STIL: variants seen among roughly 807,000 people sequenced by gnomAD.
STIL encodes STIL centriolar assembly protein.
STIL carries 55 observed loss-of-function variants against 110.1 expected under a neutral mutation model. The ratio of observed to expected loss-of-function variants is 0.50; its 90% CI spans 0.40 to 0.63. STIL has a LOEUF of 0.63. STIL is among the 20% of genes least tolerant of loss of function. STIL has a pLI of 0.00. For synonymous variants in STIL, 481 were observed against 530.0 expected (o/e 0.91, Z 1.27); for missense variants, 1,358 against 1,530.0 (o/e 0.89, Z 1.87).
chr1:47,284,687 C>T (rs569763992), intron 10 of STIL, among the ~76,000 whole-genome samples: 4 of 152,124 alleles, frequency 2.6e-5, no homozygotes, highest in South Asian at 2.1e-4. Flanking sequence ...GTCAGGAGTT[C>T]GAGGCCAGCC....
Position 47,287,654 on chromosome 1 carries a change from C to G in STIL, c.1030G>C (p.Glu344Gln), listed in dbSNP as rs1645344132. The change falls in exon 10 of 17, where the codon GAA (glutamate) becomes CAA (glutamine). Residue 344 changes from glutamate (E) to glutamine (Q), a missense_variant. Coordinates refer to ENST00000371877, the MANE Select transcript of STIL (RefSeq NM_001048166.1). The stretch of plus-strand genomic sequence containing the variant: ...CGGATTGGATTTTTGTCAGGAGGTT[C>G]AACATTCTGAAATGAAGTAGGTCAT... ...KETLHLFKNV[E>Q]PPDKNPIRCE... 4 of 1,612,176 alleles carry G rather than the reference C, an allele frequency of 2.5e-6. No homozygotes were observed. The highest frequency in any genetic ancestry group is 3.4e-6 in the Non-Finnish European group (4 of 1,178,566).
intron 12 of STIL, 105 bp from the exon 13 acceptor site, chr1:47,272,346 T>G (rs991154819): frequency 8.4e-7 from 1 of 1,189,108 alleles, no homozygotes; most frequent in African/African-American, 1.5e-5. Flanking sequence ...AGAAACTGAC[T>G]TTTAAGTCTA....
intron 10 of STIL, chr1:47,283,138 T>A (rs1645197710): frequency 6.6e-6 from 1 of 152,198 alleles, no homozygotes. Flanking sequence ...AAAGCCAGAA[T>A]GAAAGCTAAC....
chr1:47,287,653 T>A lies in STIL; in HGVS notation c.1031A>T (p.Glu344Val). ...ACGGATTGGATTTTTGTCAGGAGGT[T>A]CAACATTCTGAAATGAAGTAGGTCA... is the stretch of plus-strand genomic sequence containing the variant. ...KETLHLFKNV[E>V]PPDKNPIRCE... Residue 344 changes from glutamate (E) to valine (V), a missense_variant, in exon 10 of 17, where the codon GAA becomes GTA. Coordinates refer to ENST00000371877, the MANE Select transcript of STIL (RefSeq NM_001048166.1). 1 of 1,613,128 alleles carries A rather than the reference T, an allele frequency of 6.2e-7. No homozygotes were observed. Among genetic ancestry groups the A allele is most frequent in the Non-Finnish European group, 8.5e-7 (1 of 1,179,296 alleles).
chr1:47,260,242 A>T (rs558237725), intron 16 of STIL, 47 bp downstream of exon 16: 125 of 1,527,184 alleles, frequency 8.2e-5, no homozygotes, highest in African/African-American at 3.2e-4. Flanking sequence ...AAAAATTTTT[A>T]AAAAATAAAA....
At chr1:47,314,827 C>G (rs904315269), upstream of STIL, among the ~76,000 whole-genome samples, 1 of 151,454 alleles carries the variant, frequency 6.6e-6, no homozygotes, top group Non-Finnish European at 1.5e-5. Flanking sequence ...CGAGTTCAAG[C>G]GATTCTCCTG....
At chr1:47,309,177 A>G (rs1254405880) in intron 2 of STIL, among the ~76,000 whole-genome samples, 1 of 152,206 alleles carries the variant, frequency 6.6e-6, no homozygotes, top group Non-Finnish European at 1.5e-5. Flanking sequence ...TGCATGCCTT[A>G]TAAAAATATG....
intron 2 of STIL, among the ~76,000 whole-genome samples, chr1:47,306,361 G>T (rs2149245292): frequency 6.6e-6 from 1 of 150,782 alleles, no homozygotes; most frequent in East Asian, 2.0e-4. Flanking sequence ...TAAACTCCTG[G>T]GCTCAAGGGA....
At position 47,251,841 on chromosome 1, in the gene STIL, T is replaced by G; in HGVS notation, c.3162A>C (p.Leu1054Phe). 6.2e-7 allele frequency: 1 copy of G among 1,608,308 alleles called. No homozygotes were observed. Among genetic ancestry groups the G allele is most frequent in the Non-Finnish European group, 8.5e-7 (1 of 1,177,546 alleles). The change falls in exon 17 of 17, where the codon TTA (leucine) becomes TTC (phenylalanine). Residue 1054 changes from leucine (L) to phenylalanine (F), a missense_variant. Leu to Phe is a conservative substitution (Grantham distance 22). Coordinates refer to ENST00000371877, the MANE Select transcript of STIL (RefSeq NM_001048166.1). The part of the protein sequence containing the change: ...MSFANVGMSG[L>F]SPNGVDLSME... Reference sequence around the variant, plus strand: ...TGCTCAAATCCACACCATTGGGGCTTAAGCCGCTCATGCCAACATTAGCAA... The same window carrying G: ...TGCTCAAATCCACACCATTGGGGCTGAAGCCGCTCATGCCAACATTAGCAA...
intron 5 of STIL, among the ~76,000 whole-genome samples, chr1:47,300,354 T>G (rs1021445696): frequency 1.3e-5 from 2 of 152,182 alleles, no homozygotes; most frequent in African/African-American, 2.4e-5. Context: ...CAAGTAAGAT[T>G]TACTGTCCCA....
intron 3 of STIL, among the ~76,000 whole-genome samples, chr1:47,304,126 C>G (rs958731734): frequency 2.0e-5 from 3 of 151,414 alleles, no homozygotes; most frequent in African/African-American, 7.3e-5. Context: ...ATTCCCTAGG[C>G]AGTCTGCTCC....
chr1:47,275,562 C>T (rs559285174), intron 12 of STIL, among the ~76,000 whole-genome samples: 5 of 151,674 alleles, frequency 3.3e-5, no homozygotes, highest in Non-Finnish European at 5.9e-5. Flanking sequence ...GAGCTGAGAT[C>T]GCGCCACTGC....
At chr1:47,264,408 T>A (rs930719654) in intron 14 of STIL, among the ~76,000 whole-genome samples, 1 of 152,136 alleles carries the variant, frequency 6.6e-6, no homozygotes, top group African/African-American at 2.4e-5. Context: ...AACAAAAGAT[T>A]TAAGATTAAA....
Position 47,280,866 on chromosome 1 carries a change from G to A in STIL, c.1592C>T (p.Ser531Phe), listed in dbSNP as rs908487855. The A allele has an allele frequency of 1.2e-6, 2 of 1,614,108 alleles. No individual in the cohort carries two copies. Among genetic ancestry groups the A allele is most frequent in the African/African-American group, 1.3e-5 (1 of 74,942 alleles). ...TTGGAGCTTTTCAAATATATCATGA[G>A]ATGGCCCATTATGAGAAGATGGTTT... ...SIKPSSHNGP[S>F]HDIFEKLQTV... Residue 531 changes from serine to phenylalanine, a missense_variant, in exon 12 of 17, where the codon TCT becomes TTT. Transcript: ENST00000371877.
At chr1:47,297,820 G>A (rs1645686610) in intron 6 of STIL, among the ~76,000 whole-genome samples, 1 of 152,098 alleles carries the variant, frequency 6.6e-6, no homozygotes, top group African/African-American at 2.4e-5. Flanking sequence ...GTGATTGACA[G>A]AATACTGAAC....
Position 47,300,145 on chromosome 1 carries a change from T to C in STIL, c.461A>G (p.Gln154Arg), listed in dbSNP as rs1352080071. Residue 154 changes from glutamine to arginine, a missense_variant, in exon 6 of 17, where the codon CAG (glutamine) becomes CGG (arginine). By Grantham distance (43) the Gln-to-Arg change is conservative (BLOSUM62 1). Transcript: ENST00000371877. Reference protein sequence around the residue: ...DDFSSALKALQCHICSKDSLD... With the variant: ...DDFSSALKALRCHICSKDSLD... ...GGAATCTTTGCTACATATATGGCAC[T>C]GTAGAGCCTGAGAAATCAATATTAA... 1.9e-6 allele frequency: 3 copies of C among 1,613,264 alleles called. No individual in the cohort carries two copies. Among genetic ancestry groups the C allele is most frequent in the South Asian group, 1.1e-5 (1 of 90,742 alleles).
chr1:47,299,715 G>T, intron 6 of STIL, 190 bp downstream of exon 6: 1 of 625,254 alleles, frequency 1.6e-6, no homozygotes, highest in African/African-American at 1.8e-5. Context: ...TTTTGTAGGT[G>T]GTGGCACAAC....
intron 8 of STIL, among the ~76,000 whole-genome samples, chr1:47,290,471 C>A (rs1557754266): frequency 6.6e-6 from 1 of 152,020 alleles, no homozygotes; most frequent in Non-Finnish European, 1.5e-5. Flanking sequence ...TTCGGGAGGC[C>A]GAGGCAGGCG....
At chr1:47,272,040 C>T (rs371886310) in intron 13 of STIL, 36 bp downstream of exon 13, 30 of 1,605,124 alleles carry the variant, frequency 1.9e-5, no homozygotes, top group Non-Finnish European at 2.5e-5. Flanking sequence ...GCATTTTTAA[C>T]AATTTCCTTA....
Sources: allele counts gnomAD v4.1 joint callset (sites outside exome capture counted in the v4.1 genomes callset), GRCh38; gene constraint gnomAD v4.1.1; transcripts MANE v1.5; gene names NCBI Gene and HGNC (gene_info 2026-07-23, HGNC 2026-07-21).